PLEKHA1: variants seen among roughly 807,000 people sequenced by gnomAD.
PLEKHA1 encodes pleckstrin homology domain containing A1.
A neutral mutation model predicts 52.0 loss-of-function variants in PLEKHA1; 34 were observed. That is an observed-to-expected ratio of 0.65 (90% CI 0.50 to 0.87). The LOEUF (loss-of-function observed/expected upper bound fraction) is 0.87. PLEKHA1 is among the 40% of genes least tolerant of loss of function. The pLI is 0.00. For synonymous variants in PLEKHA1, 163 were observed against 170.7 expected (o/e 0.95, Z 0.35); for missense variants, 497 against 504.2 (o/e 0.99, Z 0.14).
intron 6 of PLEKHA1, among the ~76,000 whole-genome samples, chr10:122,414,154 T>C: frequency 6.6e-6 from 1 of 152,152 alleles, no homozygotes; most frequent in East Asian, 1.9e-4. Flanking sequence ...GTTAACCTTC[T>C]GGTTACTATG....
chr10:122,427,260 G>A (rs1449954973), intron 11 of PLEKHA1, among the ~76,000 whole-genome samples: 2 of 152,264 alleles, frequency 1.3e-5, no homozygotes, highest in Middle Eastern at 3.4e-3. Flanking sequence ...CACAAGTAGG[G>A]CAACTAAAGA....
At chr10:122,385,906 C>G (rs1435738129) in intron 1 of PLEKHA1, among the ~76,000 whole-genome samples, 1 of 152,068 alleles carries the variant, frequency 6.6e-6, no homozygotes, top group South Asian at 2.1e-4. Flanking sequence ...TTGGGTTGTT[C>G]GTGTTTTTTT....
chr10:122,377,285 C>A (rs2096551433), intron 1 of PLEKHA1, among the ~76,000 whole-genome samples: 1 of 151,988 alleles, frequency 6.6e-6, no homozygotes, highest in Admixed American at 6.5e-5. Flanking sequence ...TAACTAACTG[C>A]CTTAAAGTAT....
chr10:122,415,975 T>G lies in PLEKHA1; in HGVS notation c.585T>G (p.Ala195=), dbSNP rs1347635801. The part of the protein sequence containing the change: ...KPPQDSAVIK[A]GYCVKQGAVM... Reference sequence around the variant, plus strand: ...CTCAAGATAGTGCGGTTATCAAAGCTGGATATTGTGTAAAACAAGGAGCAG... The same window carrying G: ...CTCAAGATAGTGCGGTTATCAAAGCGGGATATTGTGTAAAACAAGGAGCAG... Residue 195 remains alanine (A), a synonymous_variant, in exon 7 of 12, where the codon GCT becomes GCG. Coordinates refer to ENST00000368990, the MANE Select transcript of PLEKHA1 (RefSeq NM_001001974.4). 1 of 1,613,156 alleles carries G rather than the reference T, an allele frequency of 6.2e-7. No homozygotes were observed. The highest frequency in any genetic ancestry group is 2.2e-5 in the East Asian group (1 of 44,830).
intron 3 of PLEKHA1, among the ~76,000 whole-genome samples, chr10:122,400,085 C>T (rs996099441): frequency 3.3e-5 from 5 of 152,228 alleles, no homozygotes; most frequent in Non-Finnish European, 7.3e-5. Context: ...CTTTCAGCTT[C>T]TCTCTGACAT....
chr10:122,375,726 C>A (rs919382154), intron 1 of PLEKHA1, among the ~76,000 whole-genome samples: 4 of 152,134 alleles, frequency 2.6e-5, no homozygotes, highest in African/African-American at 9.7e-5. Flanking sequence ...TAATGAAACT[C>A]CTTTGCTCTC....
intron 11 of PLEKHA1, among the ~76,000 whole-genome samples, chr10:122,429,135 T>C (rs1222818244): frequency 1.3e-5 from 2 of 152,240 alleles, no homozygotes; most frequent in Non-Finnish European, 2.9e-5. Context: ...GTTTGAAAGA[T>C]GATTCGTGCT....
At chr10:122,405,733 G>A (rs1416986070) in intron 4 of PLEKHA1, among the ~76,000 whole-genome samples, 1 of 152,076 alleles carries the variant, frequency 6.6e-6, no homozygotes, top group African/African-American at 2.4e-5. Context: ...AGACAAAAGA[G>A]AAGGGGTAGT....
chr10:122,428,545 C>A, intron 11 of PLEKHA1: 1 of 873,160 alleles, frequency 1.1e-6, no homozygotes, highest in Non-Finnish European at 1.5e-6. Flanking sequence ...AAACATACAA[C>A]TTTACTAACA....
chr10:122,422,425 A>G (rs1292793045), intron 8 of PLEKHA1: 1 of 152,260 alleles, frequency 6.6e-6, no homozygotes, highest in African/African-American at 2.4e-5. Flanking sequence ...GGGTTAACAC[A>G]CCAGTGACAG....
chr10:122,433,570 T>G (rs1158021200), downstream of PLEKHA1: 1 of 152,152 alleles, frequency 6.6e-6, no homozygotes, highest in African/African-American at 2.4e-5. Flanking sequence ...CCATTTGTTG[T>G]GTGAAATGGC....
intron 11 of PLEKHA1, among the ~76,000 whole-genome samples, chr10:122,427,394 T>C (rs1444829041): frequency 6.6e-6 from 1 of 152,224 alleles, no homozygotes. Context: ...GTTGTAGCGT[T>C]ACACAGTTTT....
intron 8 of PLEKHA1, chr10:122,422,697 A>G (rs1046508814): frequency 6.6e-6 from 1 of 152,218 alleles, no homozygotes; most frequent in Non-Finnish European, 1.5e-5. Context: ...GGATCAGAAA[A>G]TGGTTTTTGT....
At chr10:122,433,384 C>T (rs984830835), downstream of PLEKHA1, 1 of 152,284 alleles carries the variant, frequency 6.6e-6, no homozygotes, top group African/African-American at 2.4e-5. Context: ...GAAGCTGTAA[C>T]TGTTGGCTTC....
intron 1 of PLEKHA1, among the ~76,000 whole-genome samples, chr10:122,377,914 A>G (rs141906623): frequency 1.6e-4 from 24 of 152,350 alleles, no homozygotes; most frequent in East Asian, 9.6e-4. Context: ...TGTTGGATAT[A>G]AAAGAAAATT....
chr10:122,424,331 A>T lies in PLEKHA1; in HGVS notation c.746+68A>T, dbSNP rs1455226774. On this transcript the variant is annotated intron_variant, in intron 9 of 11. Coordinates refer to ENST00000368990, the MANE Select transcript of PLEKHA1 (RefSeq NM_001001974.4). ...CACAGAATAGTGCCTTAGTTTGAGT[A>T]ATGTACTTACAGATTACATTTTTCC... 3 of 1,485,250 alleles carry T rather than the reference A, an allele frequency of 2.0e-6. No individual in the cohort carries two copies. The African/African-American group carries it at 4.3e-5, about 21-fold the overall frequency. 92.0% of individuals were successfully genotyped at this position (1,485,250 alleles called of 1,614,324 possible).
chr10:122,429,573 T>G, intron 11 of PLEKHA1, 51 bp from the exon 12 acceptor site: 2 of 1,543,334 alleles, frequency 1.3e-6, no homozygotes, highest in Non-Finnish European at 1.8e-6. Flanking sequence ...ACTGAGTTAC[T>G]AACCTGGTCA....
intron 8 of PLEKHA1, chr10:122,419,379 G>A (rs1488060908): frequency 6.6e-6 from 1 of 152,066 alleles, no homozygotes; most frequent in Non-Finnish European, 1.5e-5. Context: ...TTTAGTATGG[G>A]GCTTTCTCAA....
chr10:122,379,022 T>A (rs1046878137), intron 1 of PLEKHA1, among the ~76,000 whole-genome samples: 4 of 152,196 alleles, frequency 2.6e-5, no homozygotes, highest in African/African-American at 7.2e-5. Context: ...GAGTCCTCTC[T>A]TGATTAACAG....
Sources: gnomAD v4.1 joint callset for allele counts (sites outside exome capture counted in the v4.1 genomes callset) on GRCh38, gnomAD v4.1.1 for gene constraint, MANE v1.5 for transcripts, NCBI Gene and HGNC (gene_info 2026-07-23, HGNC 2026-07-21) for gene names.